GLB1L3: variants seen among roughly 807,000 people sequenced by gnomAD.
GLB1L3 encodes the protein galactosidase beta 1 like 3.
In GLB1L3, 89 loss-of-function variants were observed where a neutral mutation model predicts 89.5. That is an observed-to-expected ratio of 0.99 (90% CI 0.84 to 1.19). The LOEUF (loss-of-function observed/expected upper bound fraction) is 1.19. GLB1L3 is among the 50% of genes most tolerant of loss of function. The probability of loss-of-function intolerance (pLI) is 0.00; values close to 1 mark genes in which losing one functional copy is unlikely to be tolerated. For missense variants in GLB1L3, 812 were observed against 813.3 expected (o/e 1.00, Z 0.02); for synonymous variants, 314 against 312.3 (o/e 1.01, Z -0.06).
At chr11:134,309,458 T>A (rs76305865) in intron 10 of GLB1L3, among the ~76,000 whole-genome samples, 168 bp from the exon 11 acceptor site, 14 of 149,788 alleles carry the variant, frequency 9.3e-5, no homozygotes, top group African/African-American at 2.2e-4. Flanking sequence ...TTTTTTTTTT[T>A]ATATCATTTT....
chr11:134,285,449 A>C (rs868855309), intron 6 of GLB1L3, among the ~76,000 whole-genome samples: 4 of 152,176 alleles, frequency 2.6e-5, no homozygotes, highest in Non-Finnish European at 5.9e-5. Context: ...AAGTAAAAAT[A>C]GTTCAAGGAC....
intron 10 of GLB1L3, among the ~76,000 whole-genome samples, chr11:134,308,232 CCACCAT>C (rs1565412558): frequency 0.034 from 906 of 26,644 alleles, 106 homozygotes; most frequent in African/African-American, 0.047. Context: ...ATCACCACCA[CCACCAT>C]CACCATCACC....
chr11:134,282,085 C>T lies in GLB1L3; in HGVS notation c.492C>T (p.Tyr164=), dbSNP rs749441559. 8 of 1,560,184 alleles carry T rather than the reference C, an allele frequency of 5.1e-6. No homozygotes were observed. Among genetic ancestry groups the T allele is most frequent in the Non-Finnish European group, 4.4e-6 (5 of 1,149,176 alleles). The change falls in exon 5 of 20, where the codon TAC becomes TAT. Residue 164 remains tyrosine, a synonymous_variant. Transcript: ENST00000431683. The part of the protein sequence containing the change: ...GLWVILRPGR[Y]ICSEMDLGGL... ...GGGTGATTCTGCGTCCAGGCCGCTACATCTGCAGTGAGATGGACCTCGGGG... is the reference window on the plus strand; with the variant it reads ...GGGTGATTCTGCGTCCAGGCCGCTATATCTGCAGTGAGATGGACCTCGGGG...
At chr11:134,298,158 G>A (rs1941758300) in intron 9 of GLB1L3, among the ~76,000 whole-genome samples, 1 of 151,706 alleles carries the variant, frequency 6.6e-6, no homozygotes. Context: ...GCCTAGATGT[G>A]GTTTGTTTCT....
At chr11:134,291,207 G>A (rs990863939) in intron 7 of GLB1L3, among the ~76,000 whole-genome samples, 1 of 151,774 alleles carries the variant, frequency 6.6e-6, no homozygotes, top group Non-Finnish European at 1.5e-5. Flanking sequence ...AAATCGGTCG[G>A]TGTTCAAGTT....
intron 9 of GLB1L3, among the ~76,000 whole-genome samples, chr11:134,303,923 G>T (rs543702670): frequency 1.3e-5 from 2 of 152,132 alleles, no homozygotes; most frequent in Non-Finnish European, 2.9e-5. Context: ...CACACAGTCT[G>T]CTGACTTCAC....
At chr11:134,323,301 A>C (rs1264793054), downstream of GLB1L3, among the ~76,000 whole-genome samples, 3 of 152,116 alleles carry the variant, frequency 2.0e-5, no homozygotes, top group Non-Finnish European at 4.4e-5. Flanking sequence ...TGAATGCATC[A>C]CCTGAGGTCA....
chr11:134,291,195 C>CA (rs1941335528), intron 7 of GLB1L3, among the ~76,000 whole-genome samples: 1 of 151,890 alleles, frequency 6.6e-6, no homozygotes, highest in Non-Finnish European at 1.5e-5. Context: ...CCTGTGGACA[C>CA]AAAATCGGTC....
rs1397822798 is a variant in GLB1L3, at chr11:134,319,154, C to G, written c.*212C>G. ...TATTTTTAGTAGAGATGGGGTTTCA[C>G]CAAGTTAGCCAGGATGGTCCCAATC... is the stretch of plus-strand genomic sequence containing the variant. On this transcript the variant is annotated 3_prime_UTR_variant, in exon 20 of 20. Transcript: ENST00000431683. The G allele has an allele frequency of 2.0e-6, 1 of 501,976 alleles. No homozygotes were observed. The highest frequency in any genetic ancestry group is 3.6e-6 in the Non-Finnish European group (1 of 279,346). 31.1% of individuals were successfully genotyped at this position (501,976 alleles called of 1,614,324 possible).
rs1395835495 is a variant in GLB1L3 at position 134,292,410 on chromosome 11, T to C, written c.811+197T>C. ...CAGGGCCACTCACAGCTCCCTATCT[T>C]GGCCTTGCTCCTGCCGTCTTTAAAC... On this transcript the variant is annotated intron_variant, in intron 8 of 19. Transcript: ENST00000431683. The C allele has an allele frequency of 9.8e-6, 5 of 509,766 alleles. No individual in the cohort carries two copies. The Admixed American group carries it at 1.6e-4, about 16-fold the overall frequency. The allele number at this position is 509,766 out of a possible 1,614,324, so 31.6% of individuals were successfully genotyped here. A position where few individuals can be genotyped will look rare whatever the true frequency, so the allele number is the denominator to read the frequency against.
intron 13 of GLB1L3, chr11:134,312,048 C>T (rs774129401): frequency 3.9e-5 from 10 of 253,888 alleles, no homozygotes; most frequent in East Asian, 1.7e-4. Flanking sequence ...GCACCTGCTG[C>T]GGCCTCCCAA....
intron 6 of GLB1L3, chr11:134,287,026 T>G (rs1393434144): frequency 1.3e-5 from 2 of 151,318 alleles, no homozygotes; most frequent in Admixed American, 6.6e-5. Context: ...CCGGGCGTGG[T>G]GGCGGGCGCC....
In GLB1L3 at chr11:134,318,696, T is replaced by C. The variant is rs1591600020; in HGVS notation, c.1845T>C (p.Pro615=). The change falls in exon 19 of 20, where the codon CCT becomes CCC. Residue 615 remains proline, a synonymous_variant. Transcript: ENST00000431683. ...TTGGGCGATATTGGAATATTGGGCC[T>C]CAGAAAACACTGTACCTTCCTGGAG... ...RNLGRYWNIG[P]QKTLYLPGVW... is the part of the protein sequence containing the mutation. 1 of 1,613,134 alleles carries C rather than the reference T, an allele frequency of 6.2e-7. No homozygotes were observed. Among genetic ancestry groups the C allele is most frequent in the Non-Finnish European group, 8.5e-7 (1 of 1,179,350 alleles).
chr11:134,309,568 G>A, intron 10 of GLB1L3, 58 bp from the exon 11 acceptor site: 1 of 1,415,760 alleles, frequency 7.1e-7, no homozygotes, highest in Non-Finnish European at 9.5e-7. Flanking sequence ...GTTTGCCAGA[G>A]GCTTCTGTCT....
At chr11:134,316,903 G>C (rs1802768961) in intron 18 of GLB1L3, 1 of 152,126 alleles carries the variant, frequency 6.6e-6, no homozygotes, top group African/African-American at 2.4e-5. Flanking sequence ...AGCTTCCCTG[G>C]GTCCAGAACT....
rs750583017 is a variant in GLB1L3, at chr11:134,312,818, G to A, written c.1431G>A (p.Val477=). The A allele has an allele frequency of 3.1e-6, 5 of 1,611,042 alleles. No individual in the cohort carries two copies. Among genetic ancestry groups the A allele is most frequent in the Admixed American group, 1.7e-5 (1 of 59,800 alleles). Residue 477 remains valine, a splice_region_variant and synonymous_variant, in exon 15 of 20, where the codon GTG becomes GTA. Coordinates refer to ENST00000431683, the MANE Select transcript of GLB1L3 (RefSeq NM_001080407.3). ...LRAHAHDVAQ[V]FLDETMIGIL... ...TGACGCCGGCTCTTCTTTTGCAGGT[G>A]TTTTTGGATGAGACAATGATAGGGA...
intron 8 of GLB1L3, chr11:134,292,638 G>A (rs946476546): frequency 1.8e-5 from 4 of 217,466 alleles, no homozygotes; most frequent in African/African-American, 4.6e-5. Context: ...GGATCCTACC[G>A]CCCAAGGCTC....
chr11:134,307,334 A>G (rs1312969010), intron 10 of GLB1L3, 126 bp downstream of exon 10: 2 of 688,010 alleles, frequency 2.9e-6, no homozygotes, highest in African/African-American at 1.8e-5. Context: ...CTTTTCACAT[A>G]CAAGCACTCA....
downstream of GLB1L3, among the ~76,000 whole-genome samples, chr11:134,322,035 C>T (rs2136243998): frequency 1.3e-5 from 2 of 152,156 alleles, no homozygotes; most frequent in Non-Finnish European, 2.9e-5. Context: ...AATTGTCAGA[C>T]ATTATTTAAA....
Sources: gnomAD v4.1 joint callset for allele counts (sites outside exome capture counted in the v4.1 genomes callset) on GRCh38, gnomAD v4.1.1 for gene constraint, MANE v1.5 for transcripts, NCBI Gene and HGNC (gene_info 2026-07-23, HGNC 2026-07-21) for gene names.